The following CRISP1 variants were observed in gnomAD, a reference collection of about 807,000 sequenced individuals.
CRISP1 encodes the protein cysteine-rich secretory protein 1.
CRISP1 carries 44 observed loss-of-function variants against 33.1 expected under a neutral mutation model. The observed-to-expected ratio is 1.33, with a 90% CI of 1.05 to 1.71. CRISP1 has a LOEUF of 1.71. Ranked by LOEUF, CRISP1 falls within the 40% of genes most tolerant of loss-of-function variation. The probability of loss-of-function intolerance (pLI) is 0.00; values close to 1 mark genes in which losing one functional copy is unlikely to be tolerated. For missense variants in CRISP1, 390 were observed against 301.2 expected, an observed-to-expected ratio of 1.29 and a Z score of -2.18; for synonymous variants, 103 against 98.7, an observed-to-expected ratio of 1.04 and a Z score of -0.26.
chr6:49,873,626 G>C (rs1771972526), intron 1 of CRISP1, among the ~76,000 whole-genome samples: 1 of 151,944 alleles, frequency 6.6e-6, no homozygotes, highest in Non-Finnish European at 1.5e-5. Context: ...GGATCAAAAG[G>C]AACAGAGTTA....
At position 49,835,420 on chromosome 6, in the gene CRISP1, C is replaced by T; in HGVS notation, c.646G>A (p.Glu216Lys). 1.2e-6 allele frequency: 2 copies of T among 1,613,640 alleles called. No individual in the cohort carries two copies. Among genetic ancestry groups the T allele is most frequent in the Non-Finnish European group, 1.7e-6 (2 of 1,179,704 alleles). ...LCTNPCIYYD[E>K]YFDCDIQVHY... is the part of the protein sequence containing the mutation. ...ACTTGTATGTCACAGTCGAAGTATT[C>T]ATCATAGTAGATGCAGGGGTTAGCT... Residue 216 changes from glutamate to lysine, a missense_variant, in exon 8 of 8, where the codon GAA (glutamate) becomes AAA (lysine). By Grantham distance (56) the Glu-to-Lys change is moderately conservative (BLOSUM62 1). Transcript: ENST00000335847.
chr6:49,850,389 C>T (rs73425868), intron 3 of CRISP1, among the ~76,000 whole-genome samples: 5,364 of 152,150 alleles, frequency 0.035, 320 homozygotes, highest in African/African-American at 0.12. Flanking sequence ...TTTTTTGAGA[C>T]ATATTCAAAA....
chr6:49,835,270 C>A lies in CRISP1; in HGVS notation c.*46G>T. On this transcript the variant is annotated 3_prime_UTR_variant, in exon 8 of 8. Transcript: ENST00000335847. ...CAAAAGACATGAATCCAACAGACAT[C>A]TCCTCCTCATCGTCACAGCATAGAA... 6.3e-7 allele frequency: 1 copy of A among 1,592,244 alleles called. No individual in the cohort carries two copies. Among genetic ancestry groups the A allele is most frequent in the Non-Finnish European group, 8.6e-7 (1 of 1,167,896 alleles).
At chr6:49,844,961 T>C (rs1016660252) in intron 5 of CRISP1, among the ~76,000 whole-genome samples, 4 of 152,082 alleles carry the variant, frequency 2.6e-5, no homozygotes, top group Non-Finnish European at 5.9e-5. Context: ...GACTTTAGAG[T>C]TGATACTGGA....
chr6:49,844,941 T>C (rs1771111878), intron 5 of CRISP1, among the ~76,000 whole-genome samples: 3 of 152,124 alleles, frequency 2.0e-5, no homozygotes, highest in Non-Finnish European at 2.9e-5. Flanking sequence ...AGGTAAGACT[T>C]TGGGCCTTAG....
Position 49,838,439 on chromosome 6 carries a change from C to A in CRISP1, c.620G>T (p.Cys207Phe), listed in dbSNP as rs757980653. Residue 207 changes from cysteine to phenylalanine, a missense_variant and splice_region_variant, in exon 7 of 8, where the codon TGC becomes TTC. Coordinates refer to ENST00000335847, the MANE Select transcript of CRISP1 (RefSeq NM_001131.3). ...AAACAGAATGCAAACAAACTTACTG[C>A]AAAGTTTGTCTTCACAGTTACTTGG... The part of the protein sequence containing the change: ...ACPSNCEDKL[C>F]TNPCIYYDEY... 4 of 1,607,916 alleles carry A rather than the reference C, an allele frequency of 2.5e-6. No homozygotes were observed. Among genetic ancestry groups the A allele is most frequent in the Non-Finnish European group, 1.7e-6 (2 of 1,175,808 alleles).
At chr6:49,835,524 CAAAA>C in intron 7 of CRISP1, 81 bp from the exon 8 acceptor site, 2 of 1,383,080 alleles carry the variant, frequency 1.4e-6, no homozygotes, top group Non-Finnish European at 1.9e-6. Flanking sequence ...TTATTAAAGA[CAAAA>C]AGAGAAATTT....
intron 4 of CRISP1, among the ~76,000 whole-genome samples, chr6:49,847,657 C>T (rs12200231): frequency 0.097 from 14,732 of 151,606 alleles, 1,000 homozygotes; most frequent in Non-Finnish European, 0.15. Context: ...TATTTCTTTA[C>T]AGCAACACAA....
upstream of CRISP1, among the ~76,000 whole-genome samples, chr6:49,867,622 T>C (rs1084051): frequency 0.92 from 139,337 of 151,954 alleles, 63,948 homozygotes; most frequent in East Asian, 0.96. Flanking sequence ...TCTGGTCTTG[T>C]TAAAGTATAT....
chr6:49,835,864 A>G (rs1435443317), intron 7 of CRISP1, among the ~76,000 whole-genome samples: 2 of 152,190 alleles, frequency 1.3e-5, no homozygotes, highest in Non-Finnish European at 2.9e-5. Context: ...TGGAAAATGG[A>G]ATTAAAAAGC....
At chr6:49,870,179 G>A (rs890377725), upstream of CRISP1, among the ~76,000 whole-genome samples, 3 of 152,156 alleles carry the variant, frequency 2.0e-5, no homozygotes, top group African/African-American at 7.2e-5. Context: ...CCAATACCAA[G>A]TCTGGCAATC....
intron 1 of CRISP1, among the ~76,000 whole-genome samples, chr6:49,861,594 C>A (rs984015210): frequency 1.2e-4 from 19 of 152,048 alleles, no homozygotes; most frequent in Admixed American, 9.2e-4. Flanking sequence ...ATTGAAAGAA[C>A]CTAGCTCGGC....
intron 1 of CRISP1, among the ~76,000 whole-genome samples, chr6:49,859,246 T>G (rs899210600): frequency 1.3e-5 from 2 of 151,916 alleles, no homozygotes; most frequent in African/African-American, 4.8e-5. Flanking sequence ...CGTCCTTTAT[T>G]GAGAGCCTAT....
At chr6:49,870,232 G>C (rs184467684), upstream of CRISP1, among the ~76,000 whole-genome samples, 2 of 152,160 alleles carry the variant, frequency 1.3e-5, no homozygotes, top group East Asian at 1.9e-4. Context: ...TTTAGATACA[G>C]TTAATTTGGA....
intron 4 of CRISP1, 25 bp downstream of exon 4, chr6:49,848,184 G>A: frequency 7.6e-7 from 1 of 1,308,624 alleles, no homozygotes; most frequent in Non-Finnish European, 1.1e-6. Flanking sequence ...TAGTCCAAAG[G>A]CGGGTCATAT....
In CRISP1 at chr6:49,848,211, G is replaced by T; in HGVS notation, c.284C>A (p.Pro95Gln). 6.4e-7 allele frequency: 1 copy of T among 1,560,294 alleles called. No individual in the cohort carries two copies. ...GGGTCATATAGATACACACTTACTT[G>T]GAAGTCTCCTCTCAAGGGGGTTGCT... is the stretch of plus-strand genomic sequence containing the variant. ...TESNPLERRL[P>Q]NTFCGENMHM... is the part of the protein sequence containing the mutation. The change falls in exon 4 of 8, where the codon CCA (proline) becomes CAA (glutamine). Residue 95 changes from proline to glutamine, a missense_variant and splice_region_variant. Pro to Gln is a moderately conservative substitution (Grantham distance 76). Transcript: ENST00000335847.
chr6:49,869,195 C>A (rs2055499151), upstream of CRISP1, among the ~76,000 whole-genome samples: 1 of 152,122 alleles, frequency 6.6e-6, no homozygotes, highest in Non-Finnish European at 1.5e-5. Flanking sequence ...TCAGTTGAGG[C>A]TGCAGACATT....
chr6:49,839,409 C>G (rs992354718), intron 6 of CRISP1, among the ~76,000 whole-genome samples: 2 of 151,882 alleles, frequency 1.3e-5, no homozygotes, highest in African/African-American at 2.4e-5. Context: ...TATGTTGACA[C>G]CTCTGCACTC....
chr6:49,862,085 A>C (rs1014193870), intron 1 of CRISP1, among the ~76,000 whole-genome samples: 15 of 152,174 alleles, frequency 9.9e-5, no homozygotes, highest in Non-Finnish European at 2.1e-4. Flanking sequence ...AATAAAAGGC[A>C]TTCAAATTGG....
Sources: gnomAD v4.1 joint callset for allele counts (sites outside exome capture counted in the v4.1 genomes callset) on GRCh38, gnomAD v4.1.1 for gene constraint, MANE v1.5 for transcripts, NCBI Gene and HGNC (gene_info 2026-07-23, HGNC 2026-07-21) for gene names.